The following NARS2 variants were observed in gnomAD, a reference collection of about 807,000 sequenced individuals.
NARS2 encodes asparaginyl-tRNA synthetase.
NARS2 carries 60 observed loss-of-function variants against 62.9 expected under a neutral mutation model. That is an observed-to-expected ratio of 0.95 (90% CI 0.77 to 1.18). The LOEUF is 1.18. NARS2 is among the 50% of genes most tolerant of loss of function. The pLI is 0.00. For synonymous variants in NARS2, 196 were observed against 200.0 expected (o/e 0.98, Z 0.17); for missense variants, 619 against 576.4 (o/e 1.07, Z -0.76).
At position 78,470,773 on chromosome 11, in the gene NARS2, G is replaced by A. The variant is rs1858835807; in HGVS notation, c.960-1460C>T. Reference sequence around the variant, plus strand: ...TTTGCAATTTTTATATTTTCTGAAAGGTTTTGCCAAAGATATTGCCCCCTT... The same window carrying A: ...TTTGCAATTTTTATATTTTCTGAAAAGTTTTGCCAAAGATATTGCCCCCTT... On this transcript the variant is annotated intron_variant, in intron 9 of 13. Transcript: ENST00000281038. Among the ~76,000 whole-genome samples, 3 of 149,610 alleles carry A rather than the reference G, an allele frequency of 2.0e-5. No individual in the cohort carries two copies. In the South Asian group the frequency reaches 6.3e-4, roughly 31 times the overall value.
chr11:78,476,833 C>T (rs1859120239), intron 9 of NARS2, among the ~76,000 whole-genome samples: 1 of 152,190 alleles, frequency 6.6e-6, no homozygotes, highest in Non-Finnish European at 1.5e-5. Context: ...GATAGTGGGG[C>T]AGCTACAACC....
chr11:78,506,036 T>C (rs1860484545), intron 6 of NARS2, among the ~76,000 whole-genome samples: 1 of 151,784 alleles, frequency 6.6e-6, no homozygotes, highest in Non-Finnish European at 1.5e-5. Flanking sequence ...AAAAATTGGA[T>C]GAAAAAAATT....
chr11:78,506,072 T>C (rs766959993), intron 6 of NARS2, among the ~76,000 whole-genome samples: 1 of 152,042 alleles, frequency 6.6e-6, no homozygotes, highest in Non-Finnish European at 1.5e-5. Context: ...AAACAAGATA[T>C]ATGAACAGCC....
At chr11:78,502,041 A>T (rs903233707) in intron 6 of NARS2, among the ~76,000 whole-genome samples, 1 of 152,236 alleles carries the variant, frequency 6.6e-6, no homozygotes, top group Non-Finnish European at 1.5e-5. Flanking sequence ...GGATGGAAAC[A>T]CTAGGCTAAG....
At chr11:78,503,340 C>A (rs561840913) in intron 6 of NARS2, among the ~76,000 whole-genome samples, 1 of 152,280 alleles carries the variant, frequency 6.6e-6, no homozygotes, top group Admixed American at 6.5e-5. Flanking sequence ...CAGGTTCAAG[C>A]GATTCTCCTG....
At position 78,569,979 on chromosome 11, in the gene NARS2, A is replaced by C. The variant is rs546914067; in HGVS notation, c.252-1227T>G. Reference sequence around the variant, plus strand: ...TGAGGCAGGCAGATCACTTGAGGTCAGGAGTTCGAGACCAGCCTGGCCAAC... The same window carrying C: ...TGAGGCAGGCAGATCACTTGAGGTCCGGAGTTCGAGACCAGCCTGGCCAAC... On this transcript the variant is annotated intron_variant, in intron 2 of 13. Transcript: ENST00000281038. 1.5e-4 allele frequency among the ~76,000 whole-genome samples: 23 copies of C among 152,342 alleles called. No individual in the cohort carries two copies. The East Asian group carries it at 4.0e-3, about 27-fold the overall frequency.
chr11:78,544,839 G>A (rs563688421), intron 5 of NARS2, among the ~76,000 whole-genome samples: 4 of 148,578 alleles, frequency 2.7e-5, no homozygotes, highest in South Asian at 2.1e-4. Context: ...AATTAGCTGC[G>A]CGTGGTGGTG....
At chr11:78,488,717 G>C (rs768348568) in intron 7 of NARS2, among the ~76,000 whole-genome samples, 1 of 152,206 alleles carries the variant, frequency 6.6e-6, no homozygotes, top group African/African-American at 2.4e-5. Flanking sequence ...ATACATAGTA[G>C]TAAGACTGTT....
At chr11:78,568,025 T>G (rs1230261329) in intron 3 of NARS2, among the ~76,000 whole-genome samples, 1 of 152,164 alleles carries the variant, frequency 6.6e-6, no homozygotes, top group Non-Finnish European at 1.5e-5. Flanking sequence ...AACAGAAGAG[T>G]CTTGCAAAAA....
At chr11:78,559,429 T>A in intron 5 of NARS2, 110 bp downstream of exon 5, 1 of 713,858 alleles carries the variant, frequency 1.4e-6, no homozygotes. Flanking sequence ...ATTGACAATT[T>A]CAGGTGCTGC....
At chr11:78,548,537 C>CT in intron 5 of NARS2, among the ~76,000 whole-genome samples, 1 of 152,190 alleles carries the variant, frequency 6.6e-6, no homozygotes, top group Non-Finnish European at 1.5e-5. Context: ...AATGCTAGTG[C>CT]TTACATCAGC....
intron 10 of NARS2, among the ~76,000 whole-genome samples, chr11:78,467,395 G>A (rs1858664688): frequency 6.6e-6 from 1 of 152,060 alleles, no homozygotes; most frequent in African/African-American, 2.4e-5. Flanking sequence ...AAATCAGCCA[G>A]ACCTGGTGGC....
chr11:78,518,639 T>C (rs1194680693), intron 6 of NARS2, among the ~76,000 whole-genome samples: 2 of 152,028 alleles, frequency 1.3e-5, no homozygotes, highest in East Asian at 3.8e-4. Context: ...TGCCTCAGCC[T>C]CTGGAGTAGC....
chr11:78,509,538 T>TA (rs750079638), intron 6 of NARS2, among the ~76,000 whole-genome samples: 22 of 151,422 alleles, frequency 1.5e-4, no homozygotes, highest in East Asian at 5.8e-4. Context: ...TAATACACTT[T>TA]AAAAAAAAAC....
Position 78,525,443 on chromosome 11 carries a change from CG to C in NARS2, c.689+3398del, listed in dbSNP as rs554485502. On this transcript the variant is annotated intron_variant, in intron 6 of 13. Transcript: ENST00000281038. ...AAAGTACAGGGGCGTATCAAAGGGG[CG>C]TAAGAATCAATCTGAATGAGTTCCC... Among the ~76,000 whole-genome samples, 364 of 152,106 alleles carry C rather than the reference CG, an allele frequency of 2.4e-3. 1 individual carries two copies. The highest frequency in any genetic ancestry group is 8.1e-3 in the African/African-American group (336 of 41,516).
At chr11:78,567,395 C>A (rs978155263) in intron 3 of NARS2, among the ~76,000 whole-genome samples, 1 of 152,074 alleles carries the variant, frequency 6.6e-6, no homozygotes, top group African/African-American at 2.4e-5. Context: ...GAATGGCATG[C>A]AATTTAAAAT....
At chr11:78,463,940 C>T (rs1007410661) in intron 11 of NARS2, among the ~76,000 whole-genome samples, 4 of 152,166 alleles carry the variant, frequency 2.6e-5, no homozygotes, top group African/African-American at 9.7e-5. Context: ...TTTTCCTTTG[C>T]CTGATTGTGC....
intron 5 of NARS2, among the ~76,000 whole-genome samples, chr11:78,541,099 TTG>T (rs1312808906): frequency 6.6e-6 from 1 of 152,150 alleles, no homozygotes; most frequent in Non-Finnish European, 1.5e-5. Flanking sequence ...GCAGAGGTTG[TTG>T]TGAGCTGAAA....
At chr11:78,487,575 T>G (rs1274608949) in intron 7 of NARS2, among the ~76,000 whole-genome samples, 3 of 151,986 alleles carry the variant, frequency 2.0e-5, no homozygotes, top group South Asian at 2.1e-4. Flanking sequence ...CTCCCCCAAG[T>G]TGGCTAAAGA....
Sources: gnomAD v4.1 joint callset for allele counts (sites outside exome capture counted in the v4.1 genomes callset) on GRCh38, gnomAD v4.1.1 for gene constraint, MANE v1.5 for transcripts, NCBI Gene and HGNC (gene_info 2026-07-23, HGNC 2026-07-21) for gene names.